MAN2C1: variants seen among roughly 807,000 people sequenced by gnomAD.
The protein encoded by MAN2C1 is alpha-mannosidase 2C1.
A neutral mutation model predicts 126.9 loss-of-function variants in MAN2C1; 111 were observed. That is an observed-to-expected ratio of 0.87 (90% CI 0.75 to 1.02). The LOEUF (loss-of-function observed/expected upper bound fraction) is 1.02, where lower values mean the gene tolerates loss of function less well. MAN2C1 is among the 50% of genes least tolerant of loss of function. MAN2C1 has a pLI of 0.00. For synonymous variants in MAN2C1, 567 were observed against 561.5 expected, an observed-to-expected ratio of 1.01 and a Z score of -0.14; for missense variants, 1,363 against 1,364.4, an observed-to-expected ratio of 1.00 and a Z score of 0.02.
rs2072502025 is a variant in MAN2C1, at chr15:75,362,800, C to T, written c.791-52G>A. ...GAGGGAGCAGCAAGGCTGACCAGGCCTGGGCTGGGACTCCAGAGGGTCACC... is the reference window on the plus strand; with the variant it reads ...GAGGGAGCAGCAAGGCTGACCAGGCTTGGGCTGGGACTCCAGAGGGTCACC... On this transcript the variant is annotated intron_variant, in intron 6 of 25. Transcript: ENST00000267978. This position sits in a 1 kb window ranked among gnomAD's most constrained non-coding sequence, Gnocchi z 4.5. 1 of 1,520,196 alleles carries T rather than the reference C, an allele frequency of 6.6e-7. No homozygotes were observed. Among genetic ancestry groups the T allele is most frequent in the Non-Finnish European group, 9.1e-7 (1 of 1,097,822 alleles). 94.2% of individuals were successfully genotyped at this position (1,520,196 alleles called of 1,614,324 possible).
chr15:75,359,291 A>C, intron 17 of MAN2C1, 37 bp downstream of exon 17: 2 of 1,578,086 alleles, frequency 1.3e-6, no homozygotes, highest in Non-Finnish European at 1.7e-6. Flanking sequence ...AAAGTATCCC[A>C]GCACAGTTCC....
At position 75,367,921 on chromosome 15, in the gene MAN2C1, T is replaced by C. The variant is rs868533181; in HGVS notation, c.227+152A>G. 1.6e-4 allele frequency: 172 copies of C among 1,096,784 alleles called. 1 individual carries two copies. The Middle Eastern group carries it at 0.011, about 71-fold the overall frequency. 67.9% of individuals were successfully genotyped at this position (1,096,784 alleles called of 1,614,324 possible). A position where few individuals can be genotyped will look rare whatever the true frequency, so the allele number is the denominator to read the frequency against. On this transcript the variant is annotated intron_variant, in intron 2 of 25. Coordinates refer to ENST00000267978, the MANE Select transcript of MAN2C1 (RefSeq NM_006715.4). ...TGAAGACCCAGGGACCAGAGAGCTG[T>C]TCCCAGCAGAGGGTGCTGCTCCCAG...
rs1051668960 is a variant in MAN2C1, at chr15:75,361,862, C to A, written c.1094G>T (p.Cys365Phe). 1 of 1,614,066 alleles carries A rather than the reference C, an allele frequency of 6.2e-7. No individual in the cohort carries two copies. Among genetic ancestry groups the A allele is most frequent in the South Asian group, 1.1e-5 (1 of 91,080 alleles). ...NFFLQEFGKM[C>F]SEFWLPDTFG... Reference sequence around the variant, plus strand: ...TAGCAGCTCTCAGCCTACCTCAGAGCACATCTTCCCAAACTCCTGCAGAAA... The same window carrying A: ...TAGCAGCTCTCAGCCTACCTCAGAGAACATCTTCCCAAACTCCTGCAGAAA... The change falls in exon 9 of 26, where the codon TGC becomes TTC. Residue 365 changes from cysteine to phenylalanine, a missense_variant. Transcript: ENST00000267978. The surrounding 1 kb of genome is among the most constrained non-coding windows in gnomAD (Gnocchi z 5.0).
rs1464928986 is a variant in MAN2C1, at chr15:75,355,831, C to A, written c.*75G>T. 6.7e-7 allele frequency: 1 copy of A among 1,491,816 alleles called. No homozygotes were observed. Among genetic ancestry groups the A allele is most frequent in the Non-Finnish European group, 9.1e-7 (1 of 1,094,786 alleles). 92.4% of individuals were successfully genotyped at this position (1,491,816 alleles called of 1,614,324 possible). On this transcript the variant is annotated 3_prime_UTR_variant, in exon 26 of 26. Coordinates refer to ENST00000267978, the MANE Select transcript of MAN2C1 (RefSeq NM_006715.4). ...ATTTATTCCACAAGAAAAGACTGAT[C>A]CCTGCTTTAGGCTGGGGAAGCAGAA...
Position 75,365,592 on chromosome 15 carries a change from G to T in MAN2C1, c.423-927C>A, listed in dbSNP as rs565832648. Reference sequence around the variant, plus strand: ...ATACAAAAAATTAGCTGGGCATGGTGGTGGGCACCTGTAATCTCAGCTAGT... The same window carrying T: ...ATACAAAAAATTAGCTGGGCATGGTTGTGGGCACCTGTAATCTCAGCTAGT... On this transcript the variant is annotated intron_variant, in intron 4 of 25. Transcript: ENST00000267978. The T allele has an allele frequency of 2.8e-4, 52 of 182,660 alleles. No homozygotes were observed. In the Middle Eastern group the frequency reaches 4.6e-3, roughly 16 times the overall value. The allele number at this position is 182,660 out of a possible 1,614,324, so 11.3% of individuals were successfully genotyped here.
chr15:75,362,907 C>T lies in MAN2C1; in HGVS notation c.791-159G>A, dbSNP rs761171078. The T allele has an allele frequency of 9.5e-6, 6 of 630,712 alleles. No individual in the cohort carries two copies. Among genetic ancestry groups the T allele is most frequent in the Admixed American group, 5.4e-5 (2 of 37,366 alleles). The allele number at this position is 630,712 out of a possible 1,614,324, so 39.1% of individuals were successfully genotyped here. A position where few individuals can be genotyped will look rare whatever the true frequency, so the allele number is the denominator to read the frequency against. The stretch of plus-strand genomic sequence containing the variant: ...AAGTGGTCACTTCACTTCACTCCAG[C>T]GAGGTGGGAGGAGGGGCTGGGGAAA... On this transcript the variant is annotated intron_variant, in intron 6 of 25. Coordinates refer to ENST00000267978, the MANE Select transcript of MAN2C1 (RefSeq NM_006715.4). This position sits in a 1 kb window ranked among gnomAD's most constrained non-coding sequence, Gnocchi z 4.5.
intron 19 of MAN2C1, 23 bp downstream of exon 19, chr15:75,358,681 C>CCCACATGCTGCCCAGTCCATA: frequency 1.9e-6 from 3 of 1,603,640 alleles, no homozygotes; most frequent in African/African-American, 1.3e-5. Flanking sequence ...CTCCACCATC[C>CCCACATGCTGCCCAGTCCATA]CCACATGCTG....
rs1169945061 is a variant in MAN2C1, at chr15:75,358,630, G to A, written c.2247-12C>T. 1 of 1,613,096 alleles carries A rather than the reference G, an allele frequency of 6.2e-7. No homozygotes were observed. Among genetic ancestry groups the A allele is most frequent in the Admixed American group, 1.7e-5 (1 of 59,974 alleles). Reference sequence around the variant, plus strand: ...CCAGCACAGGCTTCCTATGGGACAGGGGTGGACATACTGATCCAGAGCAGC... The same window carrying A: ...CCAGCACAGGCTTCCTATGGGACAGAGGTGGACATACTGATCCAGAGCAGC... On this transcript the variant is annotated splice_polypyrimidine_tract_variant and intron_variant, in intron 19 of 25. Transcript: ENST00000267978.
In MAN2C1 at chr15:75,356,157, G is replaced by A. The variant is rs756453791; in HGVS notation, c.2949C>T (p.His983=). Residue 983 remains histidine (H), a synonymous_variant, in exon 25 of 26, where the codon CAC becomes CAT. Coordinates refer to ENST00000267978, the MANE Select transcript of MAN2C1 (RefSeq NM_006715.4). This position sits in a 1 kb window ranked among gnomAD's most constrained non-coding sequence, Gnocchi z 5.8. Reference sequence around the variant, plus strand: ...GCGACAAGTGCAGCCAGCAGTCCACGTGGCTGCCGTGGGCCTCATACAGCC... The same window carrying A: ...GCGACAAGTGCAGCCAGCAGTCCACATGGCTGCCGTGGGCCTCATACAGCC... ...VLRLYEAHGS[H]VDCWLHLSLP... is the part of the protein sequence containing the mutation. 9 of 1,613,500 alleles carry A rather than the reference G, an allele frequency of 5.6e-6. No individual in the cohort carries two copies. The highest frequency in any genetic ancestry group is 1.7e-5 in the Admixed American group (1 of 60,000).
intron 6 of MAN2C1, chr15:75,363,430 C>T (rs953097716): frequency 2.4e-6 from 1 of 411,328 alleles, no homozygotes; most frequent in Admixed American, 2.6e-5. Flanking sequence ...CATTGTGACA[C>T]CAACTCTGCC....
chr15:75,365,176 T>C (rs769151022), intron 4 of MAN2C1, among the ~76,000 whole-genome samples: 4 of 152,150 alleles, frequency 2.6e-5, no homozygotes, highest in Non-Finnish European at 4.4e-5. Flanking sequence ...CTAGAGCAAA[T>C]TCCTCAGTGG....
intron 4 of MAN2C1, among the ~76,000 whole-genome samples, chr15:75,365,289 G>A (rs1193775252): frequency 7.7e-6 from 1 of 129,044 alleles, no homozygotes; most frequent in Non-Finnish European, 1.6e-5. Flanking sequence ...CATACTCCCA[G>A]TGTCTGAAAG....
At position 75,359,988 on chromosome 15, in the gene MAN2C1, C is replaced by T; in HGVS notation, c.1707G>A (p.Arg569=). ...CATGGAACTGGTTCAGAAGAAGGAG[C>T]CTGCAGGGGCCAAGGGCAGGGATGG... ...YPAAQLQHLW[R]LLLLNQFHDV... The change falls in exon 15 of 26, where the codon AGG becomes AGA. Residue 569 remains arginine (R), a splice_region_variant and synonymous_variant. Transcript: ENST00000267978. 3 of 1,614,036 alleles carry T rather than the reference C, an allele frequency of 1.9e-6. No homozygotes were observed. The highest frequency in any genetic ancestry group is 2.5e-6 in the Non-Finnish European group (3 of 1,179,956).
chr15:75,359,821 G>A (rs758073179), intron 15 of MAN2C1, 46 bp from the exon 16 acceptor site: 4 of 1,612,604 alleles, frequency 2.5e-6, no homozygotes, highest in East Asian at 2.2e-5. Context: ...GGTCTGGAAT[G>A]TGCCCATGGG....
chr15:75,366,255 G>A (rs896673761), intron 4 of MAN2C1, among the ~76,000 whole-genome samples: 10 of 152,190 alleles, frequency 6.6e-5, no homozygotes, highest in Admixed American at 1.3e-4. Flanking sequence ...GCAGTGCAGC[G>A]GTGTGATCAT....
chr15:75,362,406 G>T lies in MAN2C1; in HGVS notation c.945C>A (p.Ser315=). The T allele has an allele frequency of 6.2e-7, 1 of 1,613,874 alleles. No homozygotes were observed. Among genetic ancestry groups the T allele is most frequent in the Non-Finnish European group, 8.5e-7 (1 of 1,180,012 alleles). ...WVKSRYPGLY[S]RIQEFACRGQ... Reference sequence around the variant, plus strand: ...CACGGCACGCAAACTCCTGGATGCGGGAGTACAGGCCAGGGTAGCGGCTCT... The same window carrying T: ...CACGGCACGCAAACTCCTGGATGCGTGAGTACAGGCCAGGGTAGCGGCTCT... Residue 315 remains serine (S), a synonymous_variant, in exon 8 of 26, where the codon TCC becomes TCA. Coordinates refer to ENST00000267978, the MANE Select transcript of MAN2C1 (RefSeq NM_006715.4). This position sits in a 1 kb window ranked among gnomAD's most constrained non-coding sequence, Gnocchi z 4.5.
At chr15:75,365,419 A>T (rs904230883) in intron 4 of MAN2C1, among the ~76,000 whole-genome samples, 2 of 152,162 alleles carry the variant, frequency 1.3e-5, no homozygotes, top group African/African-American at 4.8e-5. Context: ...TACAATCTTA[A>T]CTAGTAAAAA....
chr15:75,356,721 G>A lies in MAN2C1; in HGVS notation c.2658-36C>T. ...GAGGGCGCGTAGGGGCCACGCTGAAGCTGTTGGAGTTGTGGTCGGGAAGAC... is the reference window on the plus strand; with the variant it reads ...GAGGGCGCGTAGGGGCCACGCTGAAACTGTTGGAGTTGTGGTCGGGAAGAC... On this transcript the variant is annotated intron_variant, in intron 22 of 25. Transcript: ENST00000267978. The surrounding 1 kb of genome is among the most constrained non-coding windows in gnomAD (Gnocchi z 5.8). 6.2e-7 allele frequency: 1 copy of A among 1,612,204 alleles called. No individual in the cohort carries two copies. Among genetic ancestry groups the A allele is most frequent in the Non-Finnish European group, 8.5e-7 (1 of 1,178,956 alleles).
rs753826947 is a variant in MAN2C1, at chr15:75,356,368, G to A, written c.2819C>T (p.Ala940Val). The A allele has an allele frequency of 9.7e-5, 156 of 1,611,680 alleles. No individual in the cohort carries two copies. Among genetic ancestry groups the A allele is most frequent in the East Asian group, 2.2e-5 (1 of 44,820 alleles). ...PLLALPAPSP[A>V]PATSWSAFSV... is the part of the protein sequence containing the mutation. ...AAACGCACTCCAGGAGGTGGCGGGC[G>A]CTGGGCTGGGGGCTGGCAGAGCCAA... Residue 940 changes from alanine (A) to valine (V), a missense_variant, in exon 24 of 26, where the codon GCG becomes GTG. By Grantham distance (64) the Ala-to-Val change is moderately conservative. Transcript: ENST00000267978. The surrounding 1 kb of genome is among the most constrained non-coding windows in gnomAD (Gnocchi z 5.8).
Sources: gnomAD v4.1 joint callset for allele counts (sites outside exome capture counted in the v4.1 genomes callset) on GRCh38, gnomAD v4.1.1 for gene constraint, Gnocchi (gnomAD v3.1) non-coding constraint, MANE v1.5 for transcripts, NCBI Gene and HGNC (gene_info 2026-07-23, HGNC 2026-07-21) for gene names.